Variants in DEPDC5 observed in about 807,000 individuals in gnomAD.
DEPDC5 encodes the protein GATOR1 complex protein DEPDC5.
In DEPDC5, 73 loss-of-function variants were observed where a neutral mutation model predicts 217.3. The observed-to-expected ratio is 0.34, with a 90% confidence interval of 0.28 to 0.41. DEPDC5 has a LOEUF of 0.41. Ranked by LOEUF, DEPDC5 falls within the 10% of genes least tolerant of loss-of-function variation. The pLI is 1.00. For missense variants in DEPDC5, 1,675 were observed against 2,070.1 expected (o/e 0.81, Z 3.70); for synonymous variants, 733 against 756.7 (o/e 0.97, Z 0.51).
chr22:31,764,806 A>G (rs1258057334), intron 4 of DEPDC5, among the ~76,000 whole-genome samples, 169 bp from the exon 5 acceptor site: 4 of 152,126 alleles, frequency 2.6e-5, no homozygotes, highest in Non-Finnish European at 4.4e-5. Context: ...ATTTCACCTA[A>G]AAAGCAGAGA....
chr22:31,786,726 T>G (rs1016743706), intron 10 of DEPDC5, among the ~76,000 whole-genome samples: 3 of 152,074 alleles, frequency 2.0e-5, no homozygotes, highest in African/African-American at 7.2e-5. Context: ...TGCCTCAGCT[T>G]CTTGAGTGGT....
At chr22:31,775,367 A>T (rs1394730893) in intron 7 of DEPDC5, among the ~76,000 whole-genome samples, 1 of 151,902 alleles carries the variant, frequency 6.6e-6, no homozygotes, top group Non-Finnish European at 1.5e-5. Flanking sequence ...TTTAGTAAAG[A>T]CAGGGTTTCA....
chr22:31,808,235 A>G (rs1223055850), intron 18 of DEPDC5, among the ~76,000 whole-genome samples: 2 of 150,726 alleles, frequency 1.3e-5, no homozygotes, highest in Non-Finnish European at 2.9e-5. Context: ...AGCTAGGACT[A>G]CAGGCACATG....
rs1012977548 is a variant in DEPDC5 at position 31,837,120 on chromosome 22, C to G, written c.2319C>G (p.Gly773=). 1.2e-6 allele frequency: 2 copies of G among 1,614,040 alleles called. No homozygotes were observed. The highest frequency in any genetic ancestry group is 1.3e-5 in the African/African-American group (1 of 74,918). Residue 773 remains glycine (G), a synonymous_variant, in exon 26 of 43, where the codon GGC becomes GGG. Transcript: ENST00000651528. The stretch of plus-strand genomic sequence containing the variant: ...GCCTGCAGAATGACTACACAGAGGG[C>G]TGTTATGATCTCCTTCCAGAAGCAG... ...RQGLQNDYTE[G]CYDLLPEADI...
At chr22:31,757,804 C>G (rs1237288351) in intron 2 of DEPDC5, among the ~76,000 whole-genome samples, 1 of 152,132 alleles carries the variant, frequency 6.6e-6, no homozygotes, top group Non-Finnish European at 1.5e-5. Context: ...CTTTCTGTCA[C>G]TCAGGCTGGA....
intron 7 of DEPDC5, among the ~76,000 whole-genome samples, chr22:31,775,252 T>C (rs1303767956): frequency 6.6e-6 from 1 of 151,862 alleles, no homozygotes; most frequent in Non-Finnish European, 1.5e-5. Flanking sequence ...CGATCTGAGC[T>C]CATTGCAACC....
In DEPDC5 at chr22:31,770,257, A is replaced by G. The variant is rs2083221988; in HGVS notation, c.413+1394A>G. ...CAAAAAAAAAAAAAGTACAACATGC[A>G]CATAATTAAGCATTCAAATAATTCA... On this transcript the variant is annotated intron_variant, in intron 7 of 42. Coordinates refer to ENST00000651528, the MANE Select transcript of DEPDC5 (RefSeq NM_001242896.3). Among the ~76,000 whole-genome samples the G allele has an allele frequency of 2.0e-5, 3 of 151,834 alleles. No homozygotes were observed. The South Asian group carries it at 6.2e-4, about 31-fold the overall frequency.
At chr22:31,869,240 G>GA (rs563406542) in intron 33 of DEPDC5, among the ~76,000 whole-genome samples, 5,534 of 132,172 alleles carry the variant, frequency 0.042, 255 homozygotes, top group African/African-American at 0.13. Context: ...CCTGTCTCTG[G>GA]AAAAAAAAAA....
At chr22:31,888,842 G>A (rs558718244) in intron 38 of DEPDC5, among the ~76,000 whole-genome samples, 25 of 152,274 alleles carry the variant, frequency 1.6e-4, no homozygotes, top group African/African-American at 5.8e-4. Flanking sequence ...CACTGCGCTC[G>A]GCCCCAGCCT....
intron 14 of DEPDC5, among the ~76,000 whole-genome samples, chr22:31,801,370 A>G (rs2086851395): frequency 6.6e-6 from 1 of 152,188 alleles, no homozygotes; most frequent in Non-Finnish European, 1.5e-5. Context: ...GGAGAGGTAT[A>G]TCAAGTAAAA....
intron 10 of DEPDC5, 164 bp downstream of exon 10, chr22:31,785,039 A>C: frequency 1.7e-6 from 1 of 594,632 alleles, no homozygotes; most frequent in Non-Finnish European, 2.9e-6. Context: ...AGAATTTATG[A>C]AAAACACAAA....
intron 30 of DEPDC5, among the ~76,000 whole-genome samples, 154 bp downstream of exon 30, chr22:31,845,391 C>G (rs1406315211): frequency 6.6e-6 from 1 of 152,184 alleles, no homozygotes; most frequent in Non-Finnish European, 1.5e-5. Context: ...TCCTCCACCG[C>G]GGGGTAAAGG....
intron 21 of DEPDC5, chr22:31,817,389 C>A: frequency 2.5e-6 from 1 of 394,510 alleles, no homozygotes; most frequent in South Asian, 2.1e-5. Flanking sequence ...GGATTACGGG[C>A]GTGAGCCACC....
intron 24 of DEPDC5, among the ~76,000 whole-genome samples, chr22:31,824,627 C>T (rs2089987675): frequency 6.6e-6 from 1 of 151,978 alleles, no homozygotes. Flanking sequence ...CACTGTGCCC[C>T]TCTGTACTCA....
chr22:31,754,448 C>G (rs565168033), intron 1 of DEPDC5, among the ~76,000 whole-genome samples: 2 of 152,362 alleles, frequency 1.3e-5, no homozygotes, highest in East Asian at 1.9e-4. Context: ...GGGAGTGTCT[C>G]TTAAGTCTCG....
intron 26 of DEPDC5, 48 bp downstream of exon 26, chr22:31,837,203 G>T: frequency 6.3e-7 from 1 of 1,598,092 alleles, no homozygotes; most frequent in Non-Finnish European, 8.6e-7. Context: ...GAGGGTTTCG[G>T]ATATATCCCA....
chr22:31,870,469 C>A, intron 33 of DEPDC5, 121 bp from the exon 34 acceptor site: 1 of 1,100,928 alleles, frequency 9.1e-7, no homozygotes, highest in East Asian at 3.1e-5. Flanking sequence ...GGAAGGATTG[C>A]ATTAATTTTT....
intron 38 of DEPDC5, among the ~76,000 whole-genome samples, chr22:31,889,937 G>T (rs918654622): frequency 6.6e-6 from 1 of 152,148 alleles, no homozygotes; most frequent in Non-Finnish European, 1.5e-5. Flanking sequence ...GAGTGACCAA[G>T]TTCTTTAGCC....
chr22:31,791,364 C>T (rs1265103943), intron 10 of DEPDC5, among the ~76,000 whole-genome samples: 1 of 152,018 alleles, frequency 6.6e-6, no homozygotes, highest in Admixed American at 6.6e-5. Flanking sequence ...TTATGTGCAG[C>T]TGGGCCTCAC....
Sources: allele counts gnomAD v4.1 joint callset (sites outside exome capture counted in the v4.1 genomes callset), GRCh38; gene constraint gnomAD v4.1.1; transcripts MANE v1.5; gene names NCBI Gene and HGNC (gene_info 2026-07-23, HGNC 2026-07-21).